The following PPP2R2A variants were observed in gnomAD, a reference collection of about 807,000 sequenced individuals.
PPP2R2A encodes protein phosphatase 2 regulatory subunit Balpha.
Under a neutral mutation model 53.2 loss-of-function variants are expected in PPP2R2A, and 9 were observed. The ratio of observed to expected loss-of-function variants is 0.17; its 90% CI spans 0.10 to 0.30. The LOEUF is 0.30. Ranked by LOEUF, PPP2R2A falls within the 10% of genes least tolerant of loss-of-function variation. PPP2R2A has a pLI of 1.00. For synonymous variants in PPP2R2A, 169 were observed against 174.2 expected (o/e 0.97, Z 0.23); for missense variants, 235 against 534.6 (o/e 0.44, Z 5.53).
intron 8 of PPP2R2A, 71 bp downstream of exon 8, chr8:26,363,961 T>G (rs571144749): frequency 7.4e-7 from 1 of 1,355,940 alleles, no homozygotes; most frequent in East Asian, 2.3e-5. Flanking sequence ...AAGGATTTTG[T>G]TACTAGGTTT....
intron 2 of PPP2R2A, among the ~76,000 whole-genome samples, chr8:26,315,183 G>T (rs7003030): frequency 0.59 from 89,591 of 151,872 alleles, 26,687 homozygotes; most frequent in South Asian, 0.63. Flanking sequence ...TGGTATCTGG[G>T]AATCCTTGGT....
In PPP2R2A at chr8:26,371,416, A is replaced by T. The variant is rs1401616487; in HGVS notation, c.*1003A>T. 1 of 147,214 alleles carries T rather than the reference A, an allele frequency of 6.8e-6. No homozygotes were observed. Among genetic ancestry groups the T allele is most frequent in the Non-Finnish European group, 1.5e-5 (1 of 67,172 alleles). 9.1% of individuals were successfully genotyped at this position (147,214 alleles called of 1,614,324 possible). On this transcript the variant is annotated 3_prime_UTR_variant, in exon 10 of 10. Transcript: ENST00000380737. ...GATACATTGTGTCTCTATTTAACTCATTATGTGTTAATGAAATTGTTGTAA... is the reference window on the plus strand; with the variant it reads ...GATACATTGTGTCTCTATTTAACTCTTTATGTGTTAATGAAATTGTTGTAA...
Position 26,291,718 on chromosome 8 carries a change from C to G in PPP2R2A, c.-102C>G. On this transcript the variant is annotated 5_prime_UTR_variant, in exon 1 of 10. Coordinates refer to ENST00000380737, the MANE Select transcript of PPP2R2A (RefSeq NM_002717.4). Reference sequence around the variant, plus strand: ...CCCCTCCCCCCGCAGGTGCCATCCGCCGCCATCCGCCCTCTCTACCCCCCC... The same window carrying G: ...CCCCTCCCCCCGCAGGTGCCATCCGGCGCCATCCGCCCTCTCTACCCCCCC... The G allele has an allele frequency of 8.2e-7, 1 of 1,212,132 alleles. No individual in the cohort carries two copies. 75.1% of individuals were successfully genotyped at this position (1,212,132 alleles called of 1,614,324 possible). A position where few individuals can be genotyped will look rare whatever the true frequency, so the allele number is the denominator to read the frequency against.
chr8:26,353,840 G>T (rs955400574), intron 3 of PPP2R2A, among the ~76,000 whole-genome samples: 3 of 152,170 alleles, frequency 2.0e-5, no homozygotes, highest in Admixed American at 6.5e-5. Flanking sequence ...GGTGCATGGG[G>T]CCATTGCTGG....
At chr8:26,326,311 A>G (rs552982479) in intron 2 of PPP2R2A, among the ~76,000 whole-genome samples, 30 of 152,190 alleles carry the variant, frequency 2.0e-4, no homozygotes, top group Middle Eastern at 6.3e-3. Context: ...AGTTTGAGCA[A>G]TCTAAGGTGC....
In PPP2R2A at chr8:26,321,088, A is replaced by C. The variant is rs898318678; in HGVS notation, c.83-17802A>C. ...GGAACGGTGCCATAACTAAACTAAA[A>C]AAATTTTAGCAGGAAACAGTACAAA... is the stretch of plus-strand genomic sequence containing the variant. On this transcript the variant is annotated intron_variant, in intron 2 of 9. Coordinates refer to ENST00000380737, the MANE Select transcript of PPP2R2A (RefSeq NM_002717.4). This position sits in a 1 kb window ranked among gnomAD's most constrained non-coding sequence, Gnocchi z 4.1. Among the ~76,000 whole-genome samples the C allele has an allele frequency of 1.3e-5, 2 of 152,196 alleles. No individual in the cohort carries two copies. Among genetic ancestry groups the C allele is most frequent in the African/African-American group, 4.8e-5 (2 of 41,454 alleles).
chr8:26,366,207 A>G (rs754781679), intron 8 of PPP2R2A, 108 bp from the exon 9 acceptor site: 232 of 791,168 alleles, frequency 2.9e-4, no homozygotes, highest in Admixed American at 4.2e-4. Flanking sequence ...AATAGGTTTA[A>G]AAGGTGTGTG....
At chr8:26,358,812 A>C (rs1804926783) in intron 4 of PPP2R2A, 1 of 404,876 alleles carries the variant, frequency 2.5e-6, no homozygotes, top group South Asian at 1.8e-5. Context: ...GAATGGATAC[A>C]TGGAGAGCAG....
chr8:26,311,687 A>G (rs916430179), intron 2 of PPP2R2A, among the ~76,000 whole-genome samples: 2 of 152,202 alleles, frequency 1.3e-5, no homozygotes, highest in Admixed American at 6.5e-5. Flanking sequence ...CTCTGAAACA[A>G]TGAACGAAAA....
At chr8:26,339,899 A>T (rs368282513) in intron 3 of PPP2R2A, 3 of 152,102 alleles carry the variant, frequency 2.0e-5, no homozygotes, top group African/African-American at 7.2e-5. Context: ...TTGCACTTCT[A>T]TAGCGCCTTT....
At chr8:26,313,851 C>T (rs1802410222) in intron 2 of PPP2R2A, among the ~76,000 whole-genome samples, 1 of 152,126 alleles carries the variant, frequency 6.6e-6, no homozygotes, top group African/African-American at 2.4e-5. Flanking sequence ...TCACCTTAGC[C>T]CAGTGAAACT....
intron 3 of PPP2R2A, among the ~76,000 whole-genome samples, chr8:26,352,890 T>C (rs1201472653): frequency 6.6e-6 from 1 of 152,222 alleles, no homozygotes; most frequent in Non-Finnish European, 1.5e-5. Context: ...TGACTAAAGT[T>C]TGACGTACAC....
intron 2 of PPP2R2A, among the ~76,000 whole-genome samples, chr8:26,314,897 C>T (rs1031581504): frequency 6.8e-6 from 1 of 146,372 alleles, no homozygotes; most frequent in Non-Finnish European, 1.5e-5. Context: ...TTCCCCCCCC[C>T]CCCCCCAACT....
intron 2 of PPP2R2A, among the ~76,000 whole-genome samples, chr8:26,310,298 A>C (rs1292641650): frequency 4.6e-5 from 6 of 131,322 alleles, no homozygotes; most frequent in South Asian, 2.5e-4. Flanking sequence ...AAAAAAAAAA[A>C]ACACAGTGTC....
intron 1 of PPP2R2A, chr8:26,292,147 G>T (rs1316696755): frequency 3.3e-6 from 4 of 1,210,408 alleles, no homozygotes; most frequent in African/African-American, 1.6e-5. Flanking sequence ...CGGGAGCCTG[G>T]TGGATCTTCT....
At chr8:26,319,949 C>G (rs905393679) in intron 2 of PPP2R2A, among the ~76,000 whole-genome samples, 1 of 151,882 alleles carries the variant, frequency 6.6e-6, no homozygotes, top group African/African-American at 2.4e-5. Context: ...TCTTAAGTTC[C>G]TTTTTGGGTT....
At chr8:26,355,989 T>C (rs1804764275) in intron 4 of PPP2R2A, among the ~76,000 whole-genome samples, 1 of 152,160 alleles carries the variant, frequency 6.6e-6, no homozygotes, top group African/African-American at 2.4e-5. Context: ...TGGACTTTGT[T>C]GGGGTCTTGA....
chr8:26,304,178 A>G (rs1801911714), intron 2 of PPP2R2A, among the ~76,000 whole-genome samples: 1 of 143,930 alleles, frequency 6.9e-6, no homozygotes, highest in African/African-American at 2.6e-5. Flanking sequence ...TTAGGAGGGT[A>G]TTTTTTCTTA....
chr8:26,304,857 A>C (rs867833835), intron 2 of PPP2R2A, among the ~76,000 whole-genome samples: 3 of 151,512 alleles, frequency 2.0e-5, no homozygotes, highest in African/African-American at 7.3e-5. Flanking sequence ...AATGAGCATT[A>C]TTTTTTTTTC....
Sources: allele counts gnomAD v4.1 joint callset (sites outside exome capture counted in the v4.1 genomes callset), GRCh38; gene constraint gnomAD v4.1.1; non-coding constraint Gnocchi (gnomAD v3.1); transcripts MANE v1.5; gene names NCBI Gene and HGNC (gene_info 2026-07-23, HGNC 2026-07-21).